The following DNAH8 variants were observed in gnomAD, a reference collection of about 807,000 sequenced individuals.
DNAH8 encodes axonemal beta dynein heavy chain 8.
Under a neutral mutation model 562.1 loss-of-function variants are expected in DNAH8, and 382 were observed. That is an observed-to-expected ratio of 0.68 (90% CI 0.63 to 0.74). DNAH8 has a LOEUF of 0.74. Ranked by LOEUF, DNAH8 falls within the 30% of genes least tolerant of loss-of-function variation. The probability of loss-of-function intolerance (pLI) is 0.00; values close to 1 mark genes in which losing one functional copy is unlikely to be tolerated. For synonymous variants in DNAH8, 1,881 were observed against 1,919.4 expected, an observed-to-expected ratio of 0.98 and a Z score of 0.52; for missense variants, 5,203 against 5,620.4, an observed-to-expected ratio of 0.93 and a Z score of 2.37.
chr6:38,758,128 A>AT (rs1021942626), intron 10 of DNAH8, among the ~76,000 whole-genome samples: 4 of 152,154 alleles, frequency 2.6e-5, no homozygotes, highest in African/African-American at 9.7e-5. Flanking sequence ...CAGTATGGCC[A>AT]TTTTCACGAT....
At chr6:38,931,328 A>C (rs1782537105) in intron 75 of DNAH8, 1 of 151,892 alleles carries the variant, frequency 6.6e-6, no homozygotes, top group South Asian at 2.1e-4. Context: ...TTTTCCTTTG[A>C]AAATTACATT....
intron 81 of DNAH8, among the ~76,000 whole-genome samples, chr6:38,950,444 T>A (rs987347301): frequency 2.8e-5 from 2 of 70,526 alleles, no homozygotes; most frequent in Non-Finnish European, 6.0e-5. Context: ...ATGAAAAGGC[T>A]TTTTTTTTTT....
At chr6:38,913,708 A>G (rs1420388630) in intron 66 of DNAH8, 141 bp from the exon 67 acceptor site, 5 of 501,924 alleles carry the variant, frequency 1.0e-5, no homozygotes, top group South Asian at 8.5e-5. Flanking sequence ...TAAGACATGT[A>G]TATTTTTAAA....
At chr6:38,945,811 G>C (rs919022796) in intron 80 of DNAH8, among the ~76,000 whole-genome samples, 1 of 152,090 alleles carries the variant, frequency 6.6e-6, no homozygotes, top group African/African-American at 2.4e-5. Flanking sequence ...CTGTGTGGTG[G>C]GCATGGGTCA....
At chr6:38,960,336 G>A (rs138667071) in intron 82 of DNAH8, among the ~76,000 whole-genome samples, 1 of 151,644 alleles carries the variant, frequency 6.6e-6, no homozygotes, top group African/African-American at 2.4e-5. Context: ...ATAACCTACA[G>A]GACAGGAGAA....
chr6:38,718,642 T>G (rs1762520879), intron 1 of DNAH8, among the ~76,000 whole-genome samples: 1 of 152,214 alleles, frequency 6.6e-6, no homozygotes, highest in Non-Finnish European at 1.5e-5. Flanking sequence ...AATTTATTTT[T>G]TTCTGAGTCA....
Position 39,026,542 on chromosome 6 carries a change from T to TA in DNAH8, c.13715-2dup, listed in dbSNP as rs754811596. The TA allele has an allele frequency of 1.9e-6, 3 of 1,602,862 alleles. No homozygotes were observed. The Admixed American group carries it at 5.2e-5, about 28-fold the overall frequency. On this transcript the variant is annotated splice_polypyrimidine_tract_variant and splice_region_variant and intron_variant, in intron 91 of 92. Transcript: ENST00000327475. ...CTTCAACATCTCTTCTTTTTTTCTT[T>TA]AAGGCTTCCTCACAGCAATGAGGCA...
intron 88 of DNAH8, among the ~76,000 whole-genome samples, chr6:38,999,195 TA>T (rs1765324135): frequency 6.6e-6 from 1 of 152,116 alleles, no homozygotes; most frequent in Non-Finnish European, 1.5e-5. Flanking sequence ...AGTGATTTAT[TA>T]GGTGGGATCT....
chr6:38,982,675 C>T (rs1051927208), intron 86 of DNAH8, among the ~76,000 whole-genome samples: 1 of 152,156 alleles, frequency 6.6e-6, no homozygotes, highest in Admixed American at 6.5e-5. Context: ...CAGTGTGTTG[C>T]AAAATACCGC....
At chr6:38,842,928 CA>C (rs1562965948) in intron 35 of DNAH8, 25 bp downstream of exon 35, 1 of 1,604,122 alleles carries the variant, frequency 6.2e-7, no homozygotes. Flanking sequence ...ACGTTCTTAT[CA>C]ATGATCCATT....
At chr6:38,818,555 A>AAGATATGG (rs1772510988) in intron 26 of DNAH8, among the ~76,000 whole-genome samples, 1 of 150,598 alleles carries the variant, frequency 6.6e-6, no homozygotes, top group Non-Finnish European at 1.5e-5. Flanking sequence ...AAAAAAAAAG[A>AAGATATGG]AGATATGGGA....
At chr6:38,856,593 C>T (rs947977065) in intron 41 of DNAH8, among the ~76,000 whole-genome samples, 1 of 152,118 alleles carries the variant, frequency 6.6e-6, no homozygotes, top group Non-Finnish European at 1.5e-5. Flanking sequence ...TGCTTGTTTT[C>T]TCCAGATCCC....
rs557308642 is a variant in DNAH8 at position 39,022,273 on chromosome 6, A to G, written c.13715-4273A>G. Among the ~76,000 whole-genome samples, 3 of 152,156 alleles carry G rather than the reference A, an allele frequency of 2.0e-5. No homozygotes were observed. In the South Asian group the frequency reaches 6.2e-4, roughly 32 times the overall value. ...TGCAGGCTTTGGGTTGGCAAACCCCAGGGGGATGCAGAAATCTGAGGCTGC... is the reference window on the plus strand; with the variant it reads ...TGCAGGCTTTGGGTTGGCAAACCCCGGGGGGATGCAGAAATCTGAGGCTGC... On this transcript the variant is annotated intron_variant, in intron 91 of 92. Transcript: ENST00000327475.
intron 82 of DNAH8, among the ~76,000 whole-genome samples, chr6:38,965,869 C>T (rs530557926): frequency 6.6e-5 from 10 of 152,158 alleles, no homozygotes; most frequent in Admixed American, 5.2e-4. Context: ...CCCCAGGCCA[C>T]TCAGAAAAGA....
intron 11 of DNAH8, among the ~76,000 whole-genome samples, chr6:38,765,494 A>G (rs950276214): frequency 2.0e-5 from 3 of 152,154 alleles, no homozygotes; most frequent in South Asian, 2.1e-4. Flanking sequence ...CGATGGTTCA[A>G]TTTTATTGTT....
intron 57 of DNAH8, among the ~76,000 whole-genome samples, chr6:38,890,434 G>T (rs1347820677): frequency 2.0e-5 from 3 of 152,066 alleles, no homozygotes; most frequent in Non-Finnish European, 2.9e-5. Context: ...GTAGGGTGCT[G>T]GGTGGGGGAT....
chr6:38,730,125 T>A (rs1763550888), intron 4 of DNAH8, 139 bp downstream of exon 4: 2 of 545,398 alleles, frequency 3.7e-6, no homozygotes, highest in Non-Finnish European at 6.4e-6. Flanking sequence ...AAATATAGTG[T>A]CTCAAGAACA....
chr6:38,864,709 G>A (rs1204901513), intron 45 of DNAH8, among the ~76,000 whole-genome samples: 4 of 152,088 alleles, frequency 2.6e-5, no homozygotes, highest in Non-Finnish European at 5.9e-5. Context: ...GGGGGAAAAC[G>A]TGCCATCCTA....
rs12205773 is a variant in DNAH8, at chr6:38,991,823, T to C, written c.13214+1651T>C. ...AGTGGCTCACTTTTACCTCTTCTAG[T>C]CTTTGCTTAGATGTAGCCTTTTCAA... On this transcript the variant is annotated intron_variant, in intron 88 of 92. Coordinates refer to ENST00000327475, the MANE Select transcript of DNAH8 (RefSeq NM_001206927.2). Among the ~76,000 whole-genome samples the C allele has an allele frequency of 4.1e-3, 620 of 152,268 alleles. 1 individual carries two copies. Among genetic ancestry groups the C allele is most frequent in the Non-Finnish European group, 6.5e-3 (443 of 68,020 alleles).
Sources: gnomAD v4.1 joint callset for allele counts (sites outside exome capture counted in the v4.1 genomes callset) on GRCh38, gnomAD v4.1.1 for gene constraint, MANE v1.5 for transcripts, NCBI Gene and HGNC (gene_info 2026-07-23, HGNC 2026-07-21) for gene names.